Variants in SLC26A4 observed in about 807,000 individuals in gnomAD.
The protein encoded by SLC26A4 is solute carrier family 26 member 4.
Under a neutral mutation model 90.4 loss-of-function variants are expected in SLC26A4, and 93 were observed. The observed-to-expected ratio is 1.03, with a 90% CI of 0.87 to 1.22. The LOEUF (loss-of-function observed/expected upper bound fraction) is 1.22, where lower values mean the gene tolerates loss of function less well. Ranked by LOEUF, SLC26A4 falls within the 50% of genes most tolerant of loss-of-function variation. The pLI is 0.00. For synonymous variants in SLC26A4, 393 were observed against 354.6 expected (o/e 1.11, Z -1.22); for missense variants, 1,127 against 946.2 (o/e 1.19, Z -2.51).
chr7:107,675,667 G>A (rs569831680), intron 6 of SLC26A4, among the ~76,000 whole-genome samples: 1 of 149,486 alleles, frequency 6.7e-6, no homozygotes, highest in South Asian at 2.1e-4. Context: ...TCCACCTCCC[G>A]GGTTCAAGCG....
intron 8 of SLC26A4, among the ~76,000 whole-genome samples, chr7:107,686,736 T>A (rs6974479): frequency 0.54 from 81,209 of 151,742 alleles, 22,225 homozygotes; most frequent in African/African-American, 0.65. Context: ...TGCCTCAGCC[T>A]CCCAAAGTGC....
In SLC26A4 at chr7:107,661,202, G is replaced by T. The variant is rs771129634; in HGVS notation, c.-4+347G>T. 19 of 214,406 alleles carry T rather than the reference G, an allele frequency of 8.9e-5. No individual in the cohort carries two copies. The highest frequency in any genetic ancestry group is 1.7e-4 in the Non-Finnish European group (18 of 106,438). 13.3% of individuals were successfully genotyped at this position (214,406 alleles called of 1,614,324 possible). ...AGTGCGCACCTGGAGCTGCGTCCCG[G>T]GTCAGGTGCGGGGAGGGAGGGAATC... On this transcript the variant is annotated intron_variant, in intron 1 of 20. Coordinates refer to ENST00000644269, the MANE Select transcript of SLC26A4 (RefSeq NM_000441.2). This position sits in a 1 kb window ranked among gnomAD's most constrained non-coding sequence, Gnocchi z 5.1.
chr7:107,706,137 C>G (rs1375265422), intron 18 of SLC26A4, among the ~76,000 whole-genome samples: 2 of 152,116 alleles, frequency 1.3e-5, no homozygotes, highest in African/African-American at 4.8e-5. Flanking sequence ...TCTTTTGAAC[C>G]ATATGTTTTT....
chr7:107,680,814 T>C (rs934499140), intron 6 of SLC26A4, among the ~76,000 whole-genome samples: 1 of 152,192 alleles, frequency 6.6e-6, no homozygotes, highest in Non-Finnish European at 1.5e-5. Flanking sequence ...TTTGTGTGAT[T>C]GGGATAATGA....
intron 3 of SLC26A4, among the ~76,000 whole-genome samples, chr7:107,669,333 T>G (rs1486068724): frequency 6.6e-6 from 1 of 152,204 alleles, no homozygotes; most frequent in African/African-American, 2.4e-5. Flanking sequence ...TTCCAGTATA[T>G]TTGAGTAGTA....
chr7:107,704,791 A>G (rs1791996514), intron 18 of SLC26A4, among the ~76,000 whole-genome samples: 2 of 152,142 alleles, frequency 1.3e-5, no homozygotes, highest in South Asian at 4.1e-4. Flanking sequence ...TGCCAACTGG[A>G]AATTTAAACT....
At chr7:107,683,140 G>A (rs911590378) in intron 6 of SLC26A4, 62 bp from the exon 7 acceptor site, 14 of 1,173,110 alleles carry the variant, frequency 1.2e-5, no homozygotes, top group African/African-American at 4.5e-5. Context: ...GTGTGTGTGC[G>A]TGTGTGTGTG....
chr7:107,701,134 A>C lies in SLC26A4; in HGVS notation c.1741A>C (p.Arg581=), dbSNP rs1370506027. ...GFDAIRVYNK[R]LKALRKIQKL... ...TGATGCCATTAGAGTATATAATAAG[A>C]GGCTGAAAGCGCTGAGGAAAATACA... The change falls in exon 16 of 21, where the codon AGG becomes CGG. Residue 581 remains arginine (R), a synonymous_variant. Coordinates refer to ENST00000644269, the MANE Select transcript of SLC26A4 (RefSeq NM_000441.2). The C allele has an allele frequency of 5.6e-6, 9 of 1,611,008 alleles. No homozygotes were observed. Among genetic ancestry groups the C allele is most frequent in the Non-Finnish European group, 6.8e-6 (8 of 1,177,332 alleles).
chr7:107,664,683 C>G (rs1790661914), intron 3 of SLC26A4, among the ~76,000 whole-genome samples: 1 of 152,128 alleles, frequency 6.6e-6, no homozygotes, highest in African/African-American at 2.4e-5. Context: ...GGAAAATGTG[C>G]CAACATAGGT....
At chr7:107,671,295 T>C (rs575897154) in intron 3 of SLC26A4, among the ~76,000 whole-genome samples, 1 of 152,246 alleles carries the variant, frequency 6.6e-6, no homozygotes, top group East Asian at 1.9e-4. Context: ...CCTTAATAAC[T>C]AGGACTACAG....
intron 8 of SLC26A4, 84 bp from the exon 9 acceptor site, chr7:107,688,969 C>A: frequency 1.4e-6 from 2 of 1,385,266 alleles, no homozygotes; most frequent in Non-Finnish European, 2.1e-6. Flanking sequence ...TAATATGTGA[C>A]TGAGCAGATA....
At chr7:107,693,524 C>G (rs1321498603) in intron 10 of SLC26A4, 3 of 985,282 alleles carry the variant, frequency 3.0e-6, no homozygotes, top group Admixed American at 1.2e-4. Context: ...GCTTGTAGTT[C>G]CCTGTCTCCT....
At chr7:107,670,613 C>T (rs1053941400) in intron 3 of SLC26A4, among the ~76,000 whole-genome samples, 2 of 152,152 alleles carry the variant, frequency 1.3e-5, no homozygotes, top group Admixed American at 1.3e-4. Flanking sequence ...TGAAGCATAA[C>T]TTAGTTAACC....
At chr7:107,706,625 C>G (rs1282826426) in intron 18 of SLC26A4, among the ~76,000 whole-genome samples, 3 of 152,230 alleles carry the variant, frequency 2.0e-5, no homozygotes, top group Admixed American at 2.0e-4. Flanking sequence ...TTTTTATTCA[C>G]TCATTGTAAG....
chr7:107,697,718 T>C (rs1791777494), intron 13 of SLC26A4, among the ~76,000 whole-genome samples: 1 of 152,236 alleles, frequency 6.6e-6, no homozygotes, highest in Non-Finnish European at 1.5e-5. Context: ...ACTGATGACC[T>C]TTCAGGGTTA....
chr7:107,661,690 A>T lies in SLC26A4; in HGVS notation c.49A>T (p.Ser17Cys). The T allele has an allele frequency of 6.4e-7, 1 of 1,572,900 alleles. No homozygotes were observed. The change falls in exon 2 of 21, where the codon AGC (serine) becomes TGC (cysteine). Residue 17 changes from serine (S) to cysteine (C), a missense_variant. Ser to Cys is a moderately radical substitution (Grantham distance 112). Transcript: ENST00000644269. This position sits in a 1 kb window ranked among gnomAD's most constrained non-coding sequence, Gnocchi z 5.1. ...GGAGCCGCCGCAGCTCCCCGAGTACAGCTGCAGCTACATGGTGTCGCGGCC... is the reference window on the plus strand; with the variant it reads ...GGAGCCGCCGCAGCTCCCCGAGTACTGCTGCAGCTACATGGTGTCGCGGCC... ...RSEPPQLPEY[S>C]CSYMVSRPVY...
In SLC26A4 at chr7:107,715,852, T is replaced by A; in HGVS notation, c.*406T>A. On this transcript the variant is annotated 3_prime_UTR_variant, in exon 21 of 21. Coordinates refer to ENST00000644269, the MANE Select transcript of SLC26A4 (RefSeq NM_000441.2). ...TTGACTGACCTGGATATCCATGAGC[T>A]GCACTGATCACCATGTAAGGTCACA... The A allele has an allele frequency of 5.1e-6, 1 of 195,896 alleles. No individual in the cohort carries two copies. The highest frequency in any genetic ancestry group is 1.1e-5 in the Non-Finnish European group (1 of 94,346). The allele number at this position is 195,896 out of a possible 1,614,324, so 12.1% of individuals were successfully genotyped here. A position where few individuals can be genotyped will look rare whatever the true frequency, so the allele number is the denominator to read the frequency against.
chr7:107,710,118 C>G lies in SLC26A4; in HGVS notation c.2154C>G (p.Phe718Leu), dbSNP rs897120060. ...FFDDNIRKDT[F>L]FLTVHDAILY... The stretch of plus-strand genomic sequence containing the variant: ...ACGACAACATTAGAAAGGACACATT[C>G]TTTTTGACGGTCCATGATGCTATAC... Residue 718 changes from phenylalanine to leucine, a missense_variant, in exon 19 of 21, where the codon TTC (phenylalanine) becomes TTG (leucine). Transcript: ENST00000644269. 2 of 1,609,094 alleles carry G rather than the reference C, an allele frequency of 1.2e-6. No homozygotes were observed. Among genetic ancestry groups the G allele is most frequent in the African/African-American group, 2.7e-5 (2 of 74,832 alleles).
chr7:107,667,429 G>A (rs982750455), intron 3 of SLC26A4, among the ~76,000 whole-genome samples: 3 of 118,388 alleles, frequency 2.5e-5, no homozygotes, highest in Non-Finnish European at 3.3e-5. Context: ...ACAACCAAAG[G>A]AATGTGGGAT....
Sources: allele counts gnomAD v4.1 joint callset (sites outside exome capture counted in the v4.1 genomes callset), GRCh38; gene constraint gnomAD v4.1.1; non-coding constraint Gnocchi (gnomAD v3.1); transcripts MANE v1.5; gene names NCBI Gene and HGNC (gene_info 2026-07-23, HGNC 2026-07-21).